The following BLTP1 variants were observed in gnomAD, a reference collection of about 807,000 sequenced individuals.
BLTP1 encodes fragile site-associated protein.
chr4:122,206,031 A>G, the BLTP1 span: 1 of 984,056 alleles, frequency 1.0e-6, no homozygotes, highest in Non-Finnish European at 1.2e-6. Context: ...ATTTATTGGG[A>G]TTAAAAAAAC....
At chr4:122,219,809 G>A in the BLTP1 span, among the ~76,000 whole-genome samples, 1 of 152,030 alleles carries the variant, frequency 6.6e-6, no homozygotes, top group Non-Finnish European at 1.5e-5. Context: ...TATGTGTAAT[G>A]TCAGGACATC....
At chr4:122,353,124 T>C in the BLTP1 span, 1 of 1,613,866 alleles carries the variant, frequency 6.2e-7, no homozygotes, top group Admixed American at 1.7e-5. This position sits in a 1 kb window ranked among gnomAD's most constrained non-coding sequence, Gnocchi z 4.3. Flanking sequence ...ATATTGCTTT[T>C]TGGACTGAAG....
At chr4:122,229,662 A>G in the BLTP1 span, 1 of 919,386 alleles carries the variant, frequency 1.1e-6, no homozygotes, top group South Asian at 5.0e-5. Context: ...CTATTTCATT[A>G]TTTACTTCTC....
the BLTP1 span, among the ~76,000 whole-genome samples, chr4:122,248,382 G>A: frequency 3.3e-5 from 5 of 151,912 alleles, no homozygotes; most frequent in Non-Finnish European, 5.9e-5. Flanking sequence ...AACTCCCAAC[G>A]AAATTCCAAG....
chr4:122,174,371 T>C, the BLTP1 span: 16 of 977,326 alleles, frequency 1.6e-5, no homozygotes, highest in Non-Finnish European at 1.6e-5. Context: ...AGTAGCTTAC[T>C]TCATAGTGAT....
the BLTP1 span, chr4:122,305,569 A>G: frequency 4.1e-6 from 4 of 984,616 alleles, no homozygotes; most frequent in South Asian, 1.4e-4. Context: ...AATGAACAAA[A>G]ATTTCTTGTC....
At chr4:122,163,328 A>G in the BLTP1 span, among the ~76,000 whole-genome samples, 1 of 152,216 alleles carries the variant, frequency 6.6e-6, no homozygotes, top group Non-Finnish European at 1.5e-5. Flanking sequence ...CAAATAAACT[A>G]CCATCGGAGT....
chr4:122,228,029 T>C, the BLTP1 span, among the ~76,000 whole-genome samples: 1 of 151,838 alleles, frequency 6.6e-6, no homozygotes, highest in African/African-American at 2.4e-5. Flanking sequence ...CTCTCTTGCC[T>C]CAGCCTCCCG....
chr4:122,247,180 A>G, the BLTP1 span: 2 of 1,613,142 alleles, frequency 1.2e-6, no homozygotes, highest in South Asian at 1.1e-5. Flanking sequence ...AGAGACTTCA[A>G]ACAATGCAGA....
At chr4:122,236,776 AT>A in the BLTP1 span, 1 of 970,510 alleles carries the variant, frequency 1.0e-6, no homozygotes, top group African/African-American at 1.8e-5. Flanking sequence ...AATTCTTATA[AT>A]GTGTAATAGG....
chr4:122,220,228 A>G, the BLTP1 span: 1 of 1,272,532 alleles, frequency 7.9e-7, no homozygotes, highest in Non-Finnish European at 1.1e-6. Context: ...TCTGTTTTTG[A>G]AAAACAAATT....
the BLTP1 span, chr4:122,227,547 C>T: frequency 8.2e-6 from 7 of 852,332 alleles, no homozygotes; most frequent in Non-Finnish European, 9.9e-6. Context: ...GGTTCTACAA[C>T]ACAGTGGTTA....
At chr4:122,355,861 A>G in the BLTP1 span, 5 of 1,612,720 alleles carry the variant, frequency 3.1e-6, no homozygotes, top group Non-Finnish European at 4.2e-6. Flanking sequence ...GAAGAATTCT[A>G]GTTTGTTGAG....
chr4:122,312,703 A>G, the BLTP1 span: 3 of 314,786 alleles, frequency 9.5e-6, no homozygotes, highest in South Asian at 1.3e-4. Context: ...CTCTCTCACA[A>G]ACTAAGTTGT....
At chr4:122,361,294 A>G in the BLTP1 span, among the ~76,000 whole-genome samples, 1 of 152,030 alleles carries the variant, frequency 6.6e-6, no homozygotes, top group South Asian at 2.1e-4. Flanking sequence ...GTTTGGTCCT[A>G]CCTGCAGGGC....
At chr4:122,229,370 T>C in the BLTP1 span, 36 of 680,328 alleles carry the variant, frequency 5.3e-5, no homozygotes, top group Non-Finnish European at 8.3e-5. Flanking sequence ...GAGAAAACTT[T>C]CTAATTTTTA....
the BLTP1 span, among the ~76,000 whole-genome samples, chr4:122,215,807 T>C: frequency 2.0e-5 from 3 of 151,794 alleles, no homozygotes; most frequent in Non-Finnish European, 4.4e-5. Context: ...GTGTACACTA[T>C]ACTCAACGTG....
the BLTP1 span, chr4:122,350,087 A>G: frequency 2.5e-6 from 4 of 1,610,864 alleles, no homozygotes; most frequent in Non-Finnish European, 3.4e-6. Context: ...AAGAATTAGA[A>G]GTAAGCTTTT....
At chr4:122,360,723 T>C in the BLTP1 span, among the ~76,000 whole-genome samples, 1 of 152,218 alleles carries the variant, frequency 6.6e-6, no homozygotes, top group Admixed American at 6.5e-5. Context: ...TAATAGTGCA[T>C]ATACCCATGA....
Sources: allele counts gnomAD v4.1 joint callset (sites outside exome capture counted in the v4.1 genomes callset), GRCh38; gene constraint gnomAD v4.1.1; non-coding constraint Gnocchi (gnomAD v3.1); transcripts MANE v1.5; gene names NCBI Gene and HGNC (gene_info 2026-07-23, HGNC 2026-07-21).